Variants in CDC40 observed in about 807,000 individuals in gnomAD.
CDC40 encodes the protein cell division cycle 40, also known as pre-mRNA-processing factor 17.
In CDC40, 27 loss-of-function variants were observed where a neutral mutation model predicts 80.6. The ratio of observed to expected loss-of-function variants is 0.33; its 90% CI spans 0.25 to 0.46. The LOEUF (loss-of-function observed/expected upper bound fraction) is 0.46. CDC40 is among the 20% of genes least tolerant of loss of function. CDC40 has a pLI of 1.00. For missense variants in CDC40, 486 were observed against 694.1 expected, an observed-to-expected ratio of 0.70 and a Z score of 3.37; for synonymous variants, 221 against 232.6, an observed-to-expected ratio of 0.95 and a Z score of 0.45.
chr6:110,210,785 G>T lies in CDC40; in HGVS notation c.709G>T (p.Glu237Ter). Residue 237 changes from glutamate to a stop codon, truncating the protein, a stop_gained, in exon 6 of 15, where the codon GAG becomes TAG. Transcript: ENST00000307731. LOFTEE classifies it high-confidence loss of function. ...ACAGGAAGAAGAGAAACCTGGGGAG[G>T]AGAAGACAATCTTACATGGTAACAT... ...GKQEEEKPGE[E>*]KTILHVKEMY... 6.4e-7 allele frequency: 1 copy of T among 1,560,750 alleles called. No individual in the cohort carries two copies. Among genetic ancestry groups the T allele is most frequent in the Non-Finnish European group, 8.7e-7 (1 of 1,153,864 alleles).
At chr6:110,210,639 A>G (rs1398056794) in intron 5 of CDC40, 68 bp from the exon 6 acceptor site, 5 of 709,658 alleles carry the variant, frequency 7.0e-6, no homozygotes, top group East Asian at 3.4e-5. Context: ...TAAAGAATTT[A>G]TAACCAACTT....
intron 9 of CDC40, among the ~76,000 whole-genome samples, chr6:110,217,311 C>T (rs1245814385): frequency 2.0e-5 from 3 of 152,198 alleles, no homozygotes; most frequent in African/African-American, 7.2e-5. Context: ...CTCCAAAATT[C>T]CAGCAGCCAT....
chr6:110,210,789 A>G lies in CDC40; in HGVS notation c.713A>G (p.Lys238Arg). ...GAAGAAGAGAAACCTGGGGAGGAGA[A>G]GACAATCTTACATGGTAACATATTT... is the stretch of plus-strand genomic sequence containing the variant. ...KQEEEKPGEE[K>R]TILHVKEMYD... The change falls in exon 6 of 15, where the codon AAG becomes AGG. Residue 238 changes from lysine (K) to arginine (R), a missense_variant. This residue lies in a region of CDC40 where 381 missense variants were observed against 492.1 expected (regional missense o/e 0.77). Coordinates refer to ENST00000307731, the MANE Select transcript of CDC40 (RefSeq NM_015891.3). 1 of 1,556,872 alleles carries G rather than the reference A, an allele frequency of 6.4e-7. No individual in the cohort carries two copies. The highest frequency in any genetic ancestry group is 8.7e-7 in the Non-Finnish European group (1 of 1,150,804).
At chr6:110,184,599 C>G (rs1438867659) in intron 1 of CDC40, among the ~76,000 whole-genome samples, 1 of 151,594 alleles carries the variant, frequency 6.6e-6, no homozygotes, top group Non-Finnish European at 1.5e-5. Context: ...TTTTTTCTTT[C>G]TTTTAATCAT....
Position 110,219,853 on chromosome 6 carries a change from C to T in CDC40, c.1324C>T (p.Leu442=). 6.2e-7 allele frequency: 1 copy of T among 1,613,580 alleles called. No individual in the cohort carries two copies. Among genetic ancestry groups the T allele is most frequent in the Non-Finnish European group, 8.5e-7 (1 of 1,179,780 alleles). The change falls in exon 12 of 15, where the codon CTA becomes TTA. Residue 442 remains leucine (L), a synonymous_variant. Transcript: ENST00000307731. ...RFVSTSDDKS[L]RVWEWDIPVD... is the part of the protein sequence containing the mutation. ...TGTGAGCACATCTGATGATAAAAGC[C>T]TAAGAGTTTGGGAATGGTGAGTTTC...
rs533093730 is a variant in CDC40 at position 110,192,973 on chromosome 6, A to G, written c.190-209A>G. The stretch of plus-strand genomic sequence containing the variant: ...TTAGTTTTAAATTAAAAAATTTTAA[A>G]TTGTTAATAAAGTCAGTATTTCAAA... On this transcript the variant is annotated intron_variant, in intron 1 of 14. Coordinates refer to ENST00000307731, the MANE Select transcript of CDC40 (RefSeq NM_015891.3). Among the ~76,000 whole-genome samples the G allele has an allele frequency of 5.9e-5, 9 of 152,306 alleles. No individual in the cohort carries two copies. In the East Asian group the frequency reaches 1.7e-3, roughly 29 times the overall value.
At chr6:110,203,513 G>A (rs1352932913) in intron 3 of CDC40, among the ~76,000 whole-genome samples, 1 of 152,132 alleles carries the variant, frequency 6.6e-6, no homozygotes, top group African/African-American at 2.4e-5. Context: ...CATGAATTCA[G>A]TTTTACCTCA....
At position 110,231,866 on chromosome 6, in the gene CDC40, G is replaced by A. The variant is rs1777943331; in HGVS notation, c.*1735G>A. 2.1e-5 allele frequency: 3 copies of A among 145,716 alleles called. No homozygotes were observed. Among genetic ancestry groups the A allele is most frequent in the Non-Finnish European group, 4.5e-5 (3 of 66,860 alleles). The allele number at this position is 145,716 out of a possible 1,614,324, so 9.0% of individuals were successfully genotyped here. A position where few individuals can be genotyped will look rare whatever the true frequency, so the allele number is the denominator to read the frequency against. On this transcript the variant is annotated 3_prime_UTR_variant, in exon 15 of 15. Transcript: ENST00000307731. ...TTCATAGAAAAAGAATAAAAGCGGA[G>A]ATATATTTTTTGACACAGAGGCACC...
intron 12 of CDC40, among the ~76,000 whole-genome samples, chr6:110,223,801 G>GGTTTTTT (rs1554208911): frequency 7.0e-6 from 1 of 143,232 alleles, no homozygotes; most frequent in Non-Finnish European, 1.6e-5. Flanking sequence ...CAACTTGTAG[G>GGTTTTTT]GTTTTGTTTT....
At chr6:110,200,882 C>T (rs77512324) in intron 2 of CDC40, among the ~76,000 whole-genome samples, 2,049 of 152,176 alleles carry the variant, frequency 0.013, 57 homozygotes, top group African/African-American at 0.046. Flanking sequence ...TGGCACTATT[C>T]GGTATAAGAA....
chr6:110,203,250 G>A (rs552162483), intron 3 of CDC40, among the ~76,000 whole-genome samples: 3 of 152,156 alleles, frequency 2.0e-5, no homozygotes, highest in Non-Finnish European at 4.4e-5. Context: ...CCCAGGTACT[G>A]AGCAAGTATA....
At chr6:110,212,326 G>C (rs1376509125) in intron 7 of CDC40, 54 bp downstream of exon 7, 4 of 1,575,350 alleles carry the variant, frequency 2.5e-6, no homozygotes, top group Non-Finnish European at 3.5e-6. Context: ...TGAAGCCAAC[G>C]TAAAGTTTTA....
intron 13 of CDC40, 122 bp downstream of exon 13, chr6:110,226,365 T>C: frequency 1.9e-6 from 1 of 528,964 alleles, no homozygotes; most frequent in Non-Finnish European, 3.3e-6. Context: ...ATTATTTGTA[T>C]AAGGTAATCT....
intron 2 of CDC40, among the ~76,000 whole-genome samples, chr6:110,195,639 C>T (rs1416415627): frequency 6.6e-6 from 1 of 152,086 alleles, no homozygotes; most frequent in African/African-American, 2.4e-5. Context: ...ACAGAGTAGG[C>T]ATTTAACAAA....
At chr6:110,229,110 A>C in intron 14 of CDC40, 134 bp downstream of exon 14, 2 of 829,636 alleles carry the variant, frequency 2.4e-6, no homozygotes, top group Non-Finnish European at 1.8e-6. Context: ...CAAAATTGTC[A>C]AAATGCTGGA....
intron 4 of CDC40, 147 bp from the exon 5 acceptor site, chr6:110,208,937 T>G (rs1184709343): frequency 1.7e-6 from 1 of 591,886 alleles, no homozygotes; most frequent in Non-Finnish European, 2.9e-6. Flanking sequence ...TCATGTAGAT[T>G]GTTTTTTAAT....
intron 11 of CDC40, 22 bp from the exon 12 acceptor site, chr6:110,219,714 T>C (rs1316977741): frequency 6.2e-7 from 1 of 1,609,976 alleles, no homozygotes. Context: ...TGTCTTTACC[T>C]TTTTTCTTGC....
At chr6:110,186,519 G>A (rs1432587357) in intron 1 of CDC40, among the ~76,000 whole-genome samples, 1 of 150,948 alleles carries the variant, frequency 6.6e-6, no homozygotes, top group African/African-American at 2.4e-5. Context: ...TACATAAAAT[G>A]CTTTCATTTA....
chr6:110,186,241 CTT>C (rs1475104340), intron 1 of CDC40, among the ~76,000 whole-genome samples: 2 of 152,084 alleles, frequency 1.3e-5, no homozygotes, highest in African/African-American at 4.8e-5. Flanking sequence ...TTTAGTTTGT[CTT>C]TTAAAAAGTT....
Sources: gnomAD v4.1 joint callset for allele counts (sites outside exome capture counted in the v4.1 genomes callset) on GRCh38, gnomAD v4.1.1 for gene constraint, gnomAD v4.1.1 regional missense constraint, MANE v1.5 for transcripts, NCBI Gene and HGNC (gene_info 2026-07-23, HGNC 2026-07-21) for gene names.